Variants in SLC25A16 observed in about 807,000 individuals in gnomAD.
SLC25A16 encodes mitochondrial coenzyme A transporter SLC25A16.
A neutral mutation model predicts 41.5 loss-of-function variants in SLC25A16; 39 were observed. The ratio of observed to expected loss-of-function variants is 0.94; its 90% CI spans 0.73 to 1.23. SLC25A16 has a LOEUF of 1.23. Among genes scored for constraint, SLC25A16 ranks in the 50% most tolerant of loss-of-function variants. The pLI, the probability that SLC25A16 is intolerant of heterozygous loss-of-function variation, is 0.00. For missense variants in SLC25A16, 421 were observed against 426.9 expected (o/e 0.99, Z 0.12); for synonymous variants, 146 against 147.8 (o/e 0.99, Z 0.09).
At chr10:68,492,341 GA>G (rs1482897044) in intron 6 of SLC25A16, among the ~76,000 whole-genome samples, 1 of 152,140 alleles carries the variant, frequency 6.6e-6, no homozygotes, top group Non-Finnish European at 1.5e-5. Context: ...TTTATGAAAT[GA>G]AGTATTGCCC....
chr10:68,500,101 G>A (rs1295112485), intron 4 of SLC25A16: 6 of 183,778 alleles, frequency 3.3e-5, no homozygotes, highest in Admixed American at 1.8e-4. Context: ...GTTGTAGGAC[G>A]AGGGACAGGG....
At chr10:68,518,326 A>G (rs9414981) in intron 1 of SLC25A16, 11,590 of 151,160 alleles carry the variant, frequency 0.077, 640 homozygotes, top group African/African-American at 0.15. Flanking sequence ...GCCGAGGAAG[A>G]AGAATCTCTT....
Position 68,478,218 on chromosome 10 carries a change from G to T in SLC25A16, c.*5214C>A, listed in dbSNP as rs1472665456. The T allele has an allele frequency of 6.6e-6, 1 of 152,156 alleles. No homozygotes were observed. Among genetic ancestry groups the T allele is most frequent in the Non-Finnish European group, 1.5e-5 (1 of 68,042 alleles). The allele number at this position is 152,156 out of a possible 1,614,324, so 9.4% of individuals were successfully genotyped here. A position where few individuals can be genotyped will look rare whatever the true frequency, so the allele number is the denominator to read the frequency against. On this transcript the variant is annotated 3_prime_UTR_variant, in exon 9 of 9. Coordinates refer to ENST00000609923, the MANE Select transcript of SLC25A16 (RefSeq NM_152707.4). The stretch of plus-strand genomic sequence containing the variant: ...CTCGATTATTCCCATCTGTCAAAAA[G>T]AAATATTAAATGGTACTTATATCAT...
At chr10:68,522,343 G>A (rs2053263498) in intron 1 of SLC25A16, among the ~76,000 whole-genome samples, 1 of 152,056 alleles carries the variant, frequency 6.6e-6, no homozygotes, top group Admixed American at 6.6e-5. Flanking sequence ...ACAGATCAGT[G>A]GTTGACAAGG....
In SLC25A16 at chr10:68,486,956, C is replaced by CAA. The variant is rs374368406; in HGVS notation, c.842+186_842+187dup. ...CGGGTGACAGAGTAAGACTGCATCT[C>CAA]AAAAAAAAAAAAAAAAAAAAAAAAA... On this transcript the variant is annotated intron_variant, in intron 8 of 8. Transcript: ENST00000609923. The CAA allele has an allele frequency of 4.6e-3, 469 of 103,000 alleles. 1 individual carries two copies. The highest frequency in any genetic ancestry group is 5.7e-3 in the South Asian group (81 of 14,280). The allele number at this position is 103,000 out of a possible 1,614,324, so 6.4% of individuals were successfully genotyped here. A position where few individuals can be genotyped will look rare whatever the true frequency, so the allele number is the denominator to read the frequency against.
rs1169800703 is a variant in SLC25A16, at chr10:68,478,983, C to G, written c.*4449G>C. 6.6e-6 allele frequency: 1 copy of G among 152,014 alleles called. No individual in the cohort carries two copies. Among genetic ancestry groups the G allele is most frequent in the African/African-American group, 2.4e-5 (1 of 41,386 alleles). The allele number at this position is 152,014 out of a possible 1,614,324, so 9.4% of individuals were successfully genotyped here. On this transcript the variant is annotated 3_prime_UTR_variant, in exon 9 of 9. Coordinates refer to ENST00000609923, the MANE Select transcript of SLC25A16 (RefSeq NM_152707.4). The stretch of plus-strand genomic sequence containing the variant: ...ATGTTGGCCAGGATGGTCTTGATCT[C>G]CTGACCACGTGATCCGCCCACCTTG...
chr10:68,514,101 G>A (rs1048275449), intron 2 of SLC25A16, among the ~76,000 whole-genome samples: 1 of 152,172 alleles, frequency 6.6e-6, no homozygotes, highest in African/African-American at 2.4e-5. Flanking sequence ...GCTGAGGCAT[G>A]AGAATGGCTT....
At chr10:68,518,906 T>C (rs186398002) in intron 1 of SLC25A16, among the ~76,000 whole-genome samples, 2 of 151,924 alleles carry the variant, frequency 1.3e-5, no homozygotes, top group Non-Finnish European at 2.9e-5. Flanking sequence ...ATGAAAATAA[T>C]AGTTGGCCAG....
At chr10:68,509,338 A>G (rs1402674477) in intron 2 of SLC25A16, among the ~76,000 whole-genome samples, 1 of 151,990 alleles carries the variant, frequency 6.6e-6, no homozygotes, top group East Asian at 1.9e-4. Flanking sequence ...ACTCTGTCTC[A>G]AAAAAACAAA....
chr10:68,485,815 T>TTTTTA (rs71019014), intron 8 of SLC25A16, among the ~76,000 whole-genome samples: 1 of 146,840 alleles, frequency 6.8e-6, no homozygotes, highest in African/African-American at 2.5e-5. Context: ...TTTTTTTTTT[T>TTTTTA]GAGATGGAGT....
intron 4 of SLC25A16, among the ~76,000 whole-genome samples, chr10:68,499,166 A>G (rs972425201): frequency 1.3e-5 from 2 of 152,196 alleles, no homozygotes; most frequent in Non-Finnish European, 2.9e-5. Context: ...TTTAACAAAC[A>G]TACAGGCAAG....
intron 1 of SLC25A16, among the ~76,000 whole-genome samples, chr10:68,520,764 A>G (rs925702826): frequency 6.8e-6 from 1 of 146,992 alleles, no homozygotes; most frequent in Non-Finnish European, 1.5e-5. Flanking sequence ...GTGATTCACA[A>G]TTGCACCATT....
In SLC25A16 at chr10:68,494,790, T is replaced by A. The variant is rs2052722679; in HGVS notation, c.422-1220A>T. ...TACTTGGGAGGCTGAGGCAAGAGAA[T>A]CACTTGAACCCTCAGGAGGCGGAGG... is the stretch of plus-strand genomic sequence containing the variant. On this transcript the variant is annotated intron_variant, in intron 4 of 8. Coordinates refer to ENST00000609923, the MANE Select transcript of SLC25A16 (RefSeq NM_152707.4). Among the ~76,000 whole-genome samples the A allele has an allele frequency of 2.7e-5, 4 of 148,580 alleles. No homozygotes were observed. The South Asian group carries it at 8.5e-4, about 32-fold the overall frequency.
chr10:68,511,943 A>C (rs1244743889), intron 2 of SLC25A16, among the ~76,000 whole-genome samples: 1 of 151,626 alleles, frequency 6.6e-6, no homozygotes, highest in Non-Finnish European at 1.5e-5. Flanking sequence ...TGCAACCTCT[A>C]CCTCCTGGGT....
intron 8 of SLC25A16, among the ~76,000 whole-genome samples, chr10:68,483,913 C>A (rs1032643931): frequency 6.6e-6 from 1 of 152,196 alleles, no homozygotes; most frequent in African/African-American, 2.4e-5. Flanking sequence ...ATCCACCCAC[C>A]TTGGCCTCCC....
At chr10:68,526,250 A>G (rs1178310094) in intron 1 of SLC25A16, among the ~76,000 whole-genome samples, 2 of 151,852 alleles carry the variant, frequency 1.3e-5, no homozygotes, top group African/African-American at 4.8e-5. Context: ...AAACCGCCTT[A>G]GGGCTGGAGG....
chr10:68,500,613 T>C (rs761131156), intron 4 of SLC25A16, among the ~76,000 whole-genome samples: 3 of 150,038 alleles, frequency 2.0e-5, no homozygotes, highest in Non-Finnish European at 3.0e-5. Context: ...CGGCCCTGAA[T>C]TAAATTTTTA....
chr10:68,525,284 T>C (rs1428791666), intron 1 of SLC25A16, among the ~76,000 whole-genome samples: 6 of 151,666 alleles, frequency 4.0e-5, no homozygotes, highest in African/African-American at 1.5e-4. Flanking sequence ...TACAGGCGAG[T>C]GCCACCACGC....
intron 4 of SLC25A16, chr10:68,496,545 A>T (rs2133525030): frequency 1.0e-6 from 1 of 983,598 alleles, no homozygotes; most frequent in African/African-American, 1.7e-5. Flanking sequence ...AATCAAGCTG[A>T]GACTTGCTTT....
Sources: allele counts gnomAD v4.1 joint callset (sites outside exome capture counted in the v4.1 genomes callset), GRCh38; gene constraint gnomAD v4.1.1; transcripts MANE v1.5; gene names NCBI Gene and HGNC (gene_info 2026-07-23, HGNC 2026-07-21).